SUMO3: variants seen among roughly 807,000 people sequenced by gnomAD.
SUMO3 encodes the protein small ubiquitin-related modifier 3.
A neutral mutation model predicts 11.1 loss-of-function variants in SUMO3; 2 were observed. That is an observed-to-expected ratio of 0.18 (90% confidence interval 0.07 to 0.57). SUMO3 has a LOEUF of 0.57. Among genes scored for constraint, SUMO3 ranks in the 20% least tolerant of loss-of-function variants. The probability of loss-of-function intolerance (pLI) is 0.92; values close to 1 mark genes in which losing one functional copy is unlikely to be tolerated. For synonymous variants in SUMO3, 56 were observed against 53.5 expected (o/e 1.05, Z -0.20); for missense variants, 70 against 132.8 (o/e 0.53, Z 2.32).
rs992719816 is a variant in SUMO3, at chr21:44,811,073, C to T, written c.151-1955G>A. On this transcript the variant is annotated intron_variant, in intron 2 of 3. Coordinates refer to ENST00000332859, the MANE Select transcript of SUMO3 (RefSeq NM_006936.3). This position sits in a 1 kb window ranked among gnomAD's most constrained non-coding sequence, Gnocchi z 5.0. The stretch of plus-strand genomic sequence containing the variant: ...GCACACACCCACACATACACACACA[C>T]GAATGCACACATGCACACACCCACA... Among the ~76,000 whole-genome samples, 2 of 148,646 alleles carry T rather than the reference C, an allele frequency of 1.3e-5. No homozygotes were observed. Among genetic ancestry groups the T allele is most frequent in the Admixed American group, 6.7e-5 (1 of 14,940 alleles).
intron 1 of SUMO3, among the ~76,000 whole-genome samples, chr21:44,814,470 G>A (rs1029822501): frequency 2.6e-5 from 4 of 152,260 alleles, no homozygotes; most frequent in African/African-American, 4.8e-5. Context: ...GGGAGTTGAC[G>A]TGGGAGGATG....
At position 44,807,750 on chromosome 21, in the gene SUMO3, C is replaced by G. The variant is rs1030641205; in HGVS notation, c.223-710G>C. On this transcript the variant is annotated intron_variant, in intron 3 of 3. Transcript: ENST00000332859. This position sits in a 1 kb window ranked among gnomAD's most constrained non-coding sequence, Gnocchi z 4.3. Reference sequence around the variant, plus strand: ...CTGTCGGCCACCCTCACCCTGCCACCGACACTATGGGCTGGAGGGAGAGCC... The same window carrying G: ...CTGTCGGCCACCCTCACCCTGCCACGGACACTATGGGCTGGAGGGAGAGCC... Among the ~76,000 whole-genome samples the G allele has an allele frequency of 6.6e-6, 1 of 152,152 alleles. No homozygotes were observed. The highest frequency in any genetic ancestry group is 1.5e-5 in the Non-Finnish European group (1 of 68,032).
chr21:44,807,174 G>C lies in SUMO3; in HGVS notation c.223-134C>G. The C allele has an allele frequency of 9.1e-7, 1 of 1,093,566 alleles. No homozygotes were observed. The highest frequency in any genetic ancestry group is 1.3e-6 in the Non-Finnish European group (1 of 767,284). 67.7% of individuals were successfully genotyped at this position (1,093,566 alleles called of 1,614,324 possible). ...ATCACCTGGTCACACCTTGGCTCTT[G>C]TCCGTCCCCTCACTGCAGCTCAGCA... On this transcript the variant is annotated intron_variant, in intron 3 of 3. Transcript: ENST00000332859. The surrounding 1 kb of genome is among the most constrained non-coding windows in gnomAD (Gnocchi z 4.3).
chr21:44,813,433 C>T, intron 2 of SUMO3: 1 of 207,676 alleles, frequency 4.8e-6, no homozygotes, highest in Non-Finnish European at 1.0e-5. Flanking sequence ...ATCCACCCAG[C>T]TGGGCACTGC....
intron 1 of SUMO3, among the ~76,000 whole-genome samples, chr21:44,817,314 G>A (rs971560015): frequency 6.7e-6 from 1 of 148,698 alleles, no homozygotes; most frequent in African/African-American, 2.5e-5. Flanking sequence ...GAGACACGAA[G>A]GAGAGGGGTG....
intron 2 of SUMO3, 79 bp from the exon 3 acceptor site, chr21:44,809,197 C>G: frequency 7.0e-7 from 1 of 1,419,556 alleles, no homozygotes. Flanking sequence ...GTCTCACTGA[C>G]AAGCCCTGGA....
rs1262319702 is a variant in SUMO3, at chr21:44,817,925, G to C, written c.21+23C>G. On this transcript the variant is annotated intron_variant, in intron 1 of 3. Transcript: ENST00000332859. ...CGGGACGCCCGCGATAGACGCGCGT[G>C]CAGGCGGGGTCGCCGCGCTTACCTT... The C allele has an allele frequency of 4.3e-6, 5 of 1,165,530 alleles. No individual in the cohort carries two copies. In the East Asian group the frequency reaches 1.9e-4, roughly 45 times the overall value. 72.2% of individuals were successfully genotyped at this position (1,165,530 alleles called of 1,614,324 possible).
At position 44,807,801 on chromosome 21, in the gene SUMO3, C is replaced by T. The variant is rs1379291274; in HGVS notation, c.223-761G>A. On this transcript the variant is annotated intron_variant, in intron 3 of 3. Coordinates refer to ENST00000332859, the MANE Select transcript of SUMO3 (RefSeq NM_006936.3). This position sits in a 1 kb window ranked among gnomAD's most constrained non-coding sequence, Gnocchi z 4.3. The stretch of plus-strand genomic sequence containing the variant: ...CCCAGGCAGGGCTCCCTCTGCCTCT[C>T]GGTCCACCTGTCCACAGCCAGCCCC... 1.3e-5 allele frequency among the ~76,000 whole-genome samples: 2 copies of T among 152,152 alleles called. No individual in the cohort carries two copies. Among genetic ancestry groups the T allele is most frequent in the Non-Finnish European group, 2.9e-5 (2 of 68,026 alleles).
At chr21:44,813,896 G>A (rs577991934) in intron 2 of SUMO3, 80 bp downstream of exon 2, 32 of 1,598,086 alleles carry the variant, frequency 2.0e-5, no homozygotes, top group African/African-American at 8.0e-5. Context: ...GCCCCGAGAC[G>A]CTCGTGCTCT....
Position 44,806,895 on chromosome 21 carries a change from T to C in SUMO3, c.*56A>G. On this transcript the variant is annotated 3_prime_UTR_variant, in exon 4 of 4. Transcript: ENST00000332859. Reference sequence around the variant, plus strand: ...CACCTTTGTGGTCGGCATGGTCACGTGCTCACCATTCAACAGCAATGCGAG... The same window carrying C: ...CACCTTTGTGGTCGGCATGGTCACGCGCTCACCATTCAACAGCAATGCGAG... 6.2e-7 allele frequency: 1 copy of C among 1,609,186 alleles called. No individual in the cohort carries two copies. The highest frequency in any genetic ancestry group is 8.5e-7 in the Non-Finnish European group (1 of 1,176,688).
At position 44,811,495 on chromosome 21, in the gene SUMO3, C is replaced by T. The variant is rs73372511; in HGVS notation, c.151-2377G>A. 0.077 allele frequency among the ~76,000 whole-genome samples: 11,638 copies of T among 151,992 alleles called. 1,522 individuals carry two copies. The highest frequency in any genetic ancestry group is 0.26 in the African/African-American group (10,820 of 41,360). On this transcript the variant is annotated intron_variant, in intron 2 of 3. Transcript: ENST00000332859. This position sits in a 1 kb window ranked among gnomAD's most constrained non-coding sequence, Gnocchi z 5.0. ...GCTGAGGTGGGAGGATCACTTGAGC[C>T]CCAGGGCTCAAGGCTGCAGTGAACC...
At position 44,814,111 on chromosome 21, in the gene SUMO3, A is replaced by G; in HGVS notation, c.22-7T>C. On this transcript the variant is annotated splice_region_variant and splice_polypyrimidine_tract_variant and intron_variant, in intron 1 of 3. Coordinates refer to ENST00000332859, the MANE Select transcript of SUMO3 (RefSeq NM_006936.3). ...TCTCTGTCTTCACACCCTCCTGCAGAAGACACCAGAGACTGGCCTCAAAAC... is the reference window on the plus strand; with the variant it reads ...TCTCTGTCTTCACACCCTCCTGCAGGAGACACCAGAGACTGGCCTCAAAAC... 3 of 1,611,306 alleles carry G rather than the reference A, an allele frequency of 1.9e-6. No individual in the cohort carries two copies. Among genetic ancestry groups the G allele is most frequent in the Non-Finnish European group, 2.5e-6 (3 of 1,177,796 alleles).
At chr21:44,808,524 A>C in intron 3 of SUMO3, 2 of 1,427,186 alleles carry the variant, frequency 1.4e-6, no homozygotes, top group Non-Finnish European at 1.8e-6. Context: ...CAAAAAAAAA[A>C]GTCTGTTTCC....
intron 2 of SUMO3, among the ~76,000 whole-genome samples, chr21:44,809,396 C>A (rs929567114): frequency 2.0e-5 from 3 of 152,246 alleles, no homozygotes; most frequent in African/African-American, 7.2e-5. Context: ...ACTCTTCTAC[C>A]ATCTTCTCTC....
At chr21:44,808,087 G>A (rs1569307111) in intron 3 of SUMO3, among the ~76,000 whole-genome samples, 1 of 152,198 alleles carries the variant, frequency 6.6e-6, no homozygotes, top group African/African-American at 2.4e-5. Context: ...AACATTGAAA[G>A]GGAGAAAAAG....
chr21:44,808,280 AGGTG>A, intron 3 of SUMO3: 2 of 300,410 alleles, frequency 6.7e-6, no homozygotes, highest in Middle Eastern at 9.7e-4. Flanking sequence ...TGGGGGGCTG[AGGTG>A]GGCAGATCAC....
chr21:44,815,956 TA>T (rs2083241620), intron 1 of SUMO3, among the ~76,000 whole-genome samples: 1 of 152,200 alleles, frequency 6.6e-6, no homozygotes, highest in Admixed American at 6.5e-5. Flanking sequence ...CTGCCTGACC[TA>T]AAAGCTCTTC....
intron 1 of SUMO3, 49 bp from the exon 2 acceptor site, chr21:44,814,153 C>T (rs1435668296): frequency 5.7e-6 from 9 of 1,591,578 alleles, no homozygotes; most frequent in East Asian, 4.5e-5. Context: ...TCAAAATAAC[C>T]GCGACTTGAA....
rs1407575510 is a variant in SUMO3, at chr21:44,806,560, C to T, written c.*391G>A. ...ATCCCCACTGCGGGAAACACCAATT[C>T]TCTATGTGACTGGAGTGAGCAGGGG... On this transcript the variant is annotated 3_prime_UTR_variant, in exon 4 of 4. Coordinates refer to ENST00000332859, the MANE Select transcript of SUMO3 (RefSeq NM_006936.3). The T allele has an allele frequency of 9.9e-6, 2 of 201,584 alleles. No individual in the cohort carries two copies. The highest frequency in any genetic ancestry group is 2.9e-4 in the East Asian group (2 of 6,850). The allele number at this position is 201,584 out of a possible 1,614,324, so 12.5% of individuals were successfully genotyped here. A position where few individuals can be genotyped will look rare whatever the true frequency, so the allele number is the denominator to read the frequency against.
Sources: allele counts gnomAD v4.1 joint callset (sites outside exome capture counted in the v4.1 genomes callset), GRCh38; gene constraint gnomAD v4.1.1; non-coding constraint Gnocchi (gnomAD v3.1); transcripts MANE v1.5; gene names NCBI Gene and HGNC (gene_info 2026-07-23, HGNC 2026-07-21).